AKNA: variants seen among roughly 807,000 people sequenced by gnomAD.
AKNA encodes AT-hook transcription factor, also known as microtubule organization protein AKNA.
Under a neutral mutation model 138.8 loss-of-function variants are expected in AKNA, and 67 were observed. The observed-to-expected ratio is 0.48, with a 90% CI of 0.40 to 0.59. The LOEUF is 0.59. Among genes scored for constraint, AKNA ranks in the 20% least tolerant of loss-of-function variants. AKNA has a pLI of 0.00. For synonymous variants in AKNA, 737 were observed against 754.4 expected, an observed-to-expected ratio of 0.98 and a Z score of 0.38; for missense variants, 1,813 against 1,880.4, an observed-to-expected ratio of 0.96 and a Z score of 0.66.
rs1377244467 is a variant in AKNA at position 114,346,764 on chromosome 9, G to A, written c.3419C>T (p.Pro1140Leu). Residue 1140 changes from proline to leucine, a missense_variant, in exon 17 of 22, where the codon CCT becomes CTT. Coordinates refer to ENST00000374088, the MANE Select transcript of AKNA (RefSeq NM_001317950.2). Reference sequence around the variant, plus strand: ...CTGCTCTTCACCTCTAGGCTCACCAGGCAATCTCTCTGTGGATTTACTAGC... The same window carrying A: ...CTGCTCTTCACCTCTAGGCTCACCAAGCAATCTCTCTGTGGATTTACTAGC... Reference protein sequence around the residue: ...HYGSKSTERLPGEPRGEEQIV... With the variant: ...HYGSKSTERLLGEPRGEEQIV... The A allele has an allele frequency of 2.0e-5, 32 of 1,612,342 alleles. No individual in the cohort carries two copies. The highest frequency in any genetic ancestry group is 4.0e-5 in the African/African-American group (3 of 74,828).
chr9:114,376,314 C>G (rs1219847192), intron 3 of AKNA, 152 bp downstream of exon 3: 4 of 788,432 alleles, frequency 5.1e-6, no homozygotes, highest in Non-Finnish European at 8.4e-6. Context: ...CCCCACCAGC[C>G]TCCGTCCTAG....
intron 1 of AKNA, among the ~76,000 whole-genome samples, chr9:114,387,201 A>G (rs1834098304): frequency 1.3e-5 from 2 of 152,106 alleles, no homozygotes; most frequent in South Asian, 4.1e-4. Flanking sequence ...CTGGCAGGGC[A>G]CAGACTTGCT....
In AKNA at chr9:114,377,214, G is replaced by T. The variant is rs1487576141; in HGVS notation, c.593C>A (p.Ala198Glu). ...CACTGTCCCACTGCTCCAGGACCTTGCCGGGCTGAGTTCAACGGATGGGTT... is the reference window on the plus strand; with the variant it reads ...CACTGTCCCACTGCTCCAGGACCTTTCCGGGCTGAGTTCAACGGATGGGTT... ...EVNPSVELSP[A>E]RSWSSGTVSL... is the part of the protein sequence containing the mutation. The change falls in exon 3 of 22, where the codon GCA (alanine) becomes GAA (glutamate). Residue 198 changes from alanine to glutamate, a missense_variant. Ala to Glu is a moderately radical substitution (Grantham distance 107). Transcript: ENST00000374088. 1 of 1,614,080 alleles carries T rather than the reference G, an allele frequency of 6.2e-7. No individual in the cohort carries two copies. The highest frequency in any genetic ancestry group is 8.5e-7 in the Non-Finnish European group (1 of 1,180,036).
intron 1 of AKNA, among the ~76,000 whole-genome samples, chr9:114,393,832 AAAAG>A (rs563292528): frequency 5.9e-5 from 9 of 152,240 alleles, no homozygotes; most frequent in Admixed American, 3.3e-4. Flanking sequence ...CAGGATAGGA[AAAAG>A]AAAGAGAGAG....
chr9:114,330,571 G>C, downstream of AKNA: 1 of 1,612,950 alleles, frequency 6.2e-7, no homozygotes. Flanking sequence ...GAGAGTACCA[G>C]ACCCGGTGAG....
intron 16 of AKNA, 58 bp from the exon 17 acceptor site, chr9:114,346,842 GT>G: frequency 6.9e-7 from 1 of 1,457,086 alleles, no homozygotes; most frequent in Non-Finnish European, 9.5e-7. Context: ...GCCTTTAAAG[GT>G]TATTTGTGAG....
At position 114,381,192 on chromosome 9, in the gene AKNA, GAA is replaced by G. The variant is rs1271220244; in HGVS notation, c.140_141del (p.Phe47SerfsTer47). ...SSQSWEEERL[F>X]PNATSPELLE... ...AGGAGCTCGGGGCTGGTGGCATTGG[GAA>G]AGAGTCTCTCTTCTTCCCAGCTTTG... On this transcript the variant is annotated frameshift_variant, in exon 2 of 22. Transcript: ENST00000374088. LOFTEE classifies it high-confidence loss of function. 6.2e-7 allele frequency: 1 copy of G among 1,614,088 alleles called. No homozygotes were observed. Among genetic ancestry groups the G allele is most frequent in the Admixed American group, 1.7e-5 (1 of 60,012 alleles).
In AKNA at chr9:114,337,211, A is replaced by G. The variant is rs1276613386; in HGVS notation, c.4163T>C (p.Ile1388Thr). Residue 1388 changes from isoleucine to threonine, a missense_variant, in exon 22 of 22, where the codon ATC becomes ACC. By Grantham distance (89) the Ile-to-Thr change is moderately conservative. Transcript: ENST00000374088. ...PPPARRHRHS[I>T]QLDLGDLEEL... ...CTCTAGGTCGCCCAGGTCGAGCTGG[A>G]TGGAGTGCCGGTGTCTCCGGGCTGG... 5 of 1,591,654 alleles carry G rather than the reference A, an allele frequency of 3.1e-6. No homozygotes were observed. Among genetic ancestry groups the G allele is most frequent in the African/African-American group, 1.3e-5 (1 of 74,536 alleles).
In AKNA at chr9:114,337,013, G is replaced by GGGCCCCCCCCCCC; in HGVS notation, c.*40_*41insGGGGGGGGGGGCC. The GGGCCCCCCCCCCC allele has an allele frequency of 5.9e-6, 7 of 1,185,370 alleles. No individual in the cohort carries two copies. Among genetic ancestry groups the GGGCCCCCCCCCCC allele is most frequent in the South Asian group, 2.5e-5 (1 of 40,612 alleles). 73.4% of individuals were successfully genotyped at this position (1,185,370 alleles called of 1,614,324 possible). A position where few individuals can be genotyped will look rare whatever the true frequency, so the allele number is the denominator to read the frequency against. ...CCACTCCTGGCCTGGCAGGCCACCT[G>GGGCCCCCCCCCCC]CCCACCCACCCACCCATCTGCCTCT... On this transcript the variant is annotated 3_prime_UTR_variant, in exon 22 of 22. Coordinates refer to ENST00000374088, the MANE Select transcript of AKNA (RefSeq NM_001317950.2).
At chr9:114,343,337 C>T (rs1830480651) in intron 19 of AKNA, among the ~76,000 whole-genome samples, 1 of 152,166 alleles carries the variant, frequency 6.6e-6, no homozygotes, top group African/African-American at 2.4e-5. Flanking sequence ...GGGACTAGAA[C>T]CCATTGCCTG....
intron 4 of AKNA, among the ~76,000 whole-genome samples, chr9:114,370,913 T>C (rs756704407): frequency 1.2e-4 from 19 of 152,092 alleles, no homozygotes; most frequent in Non-Finnish European, 2.1e-4. Context: ...CAGAACACAC[T>C]GAAAAGAGGT....
downstream of AKNA, chr9:114,330,918 T>C: frequency 7.5e-6 from 11 of 1,458,808 alleles, no homozygotes; most frequent in Non-Finnish European, 1.1e-5. Flanking sequence ...CAGGCCAGCA[T>C]AAGGTGGGGG....
upstream of AKNA, among the ~76,000 whole-genome samples, chr9:114,390,646 G>A (rs761640792): frequency 6.6e-6 from 1 of 152,172 alleles, no homozygotes; most frequent in Non-Finnish European, 1.5e-5. Flanking sequence ...TGCTTCAGAC[G>A]CACAGCTAGC....
intron 12 of AKNA, 49 bp downstream of exon 12, chr9:114,357,872 C>G: frequency 6.3e-7 from 1 of 1,579,874 alleles, no homozygotes; most frequent in Non-Finnish European, 8.5e-7. Context: ...TGAGAAGACC[C>G]AGGAATGACC....
At chr9:114,396,090 G>A (rs374518019), upstream of AKNA, among the ~76,000 whole-genome samples, 96 of 152,158 alleles carry the variant, frequency 6.3e-4, no homozygotes, top group Middle Eastern at 6.8e-3. Context: ...CAACAACAAT[G>A]TTTTGAGCAC....
intron 14 of AKNA, among the ~76,000 whole-genome samples, chr9:114,352,467 C>A (rs1454080250): frequency 6.6e-6 from 1 of 151,486 alleles, no homozygotes; most frequent in Non-Finnish European, 1.5e-5. Flanking sequence ...CGCAGTGGTG[C>A]ATACCTGTAG....
At chr9:114,340,793 A>G (rs1159764346) in intron 21 of AKNA, among the ~76,000 whole-genome samples, 6 of 152,098 alleles carry the variant, frequency 3.9e-5, no homozygotes, top group African/African-American at 1.4e-4. Flanking sequence ...ATCTGTGCAA[A>G]AAGTCCTACA....
At chr9:114,350,829 G>A in intron 15 of AKNA, 30 bp downstream of exon 15, 2 of 1,520,858 alleles carry the variant, frequency 1.3e-6, no homozygotes. Context: ...TGATGAGCTT[G>A]AATCCCCAGG....
In AKNA at chr9:114,360,086, CAG is replaced by C. The variant is rs1366408729; in HGVS notation, c.2125-26_2125-25del. On this transcript the variant is annotated intron_variant, in intron 9 of 21. Transcript: ENST00000374088. The stretch of plus-strand genomic sequence containing the variant: ...GGCTGGGGTCAGAAAGATGGACAGA[CAG>C]AGATTCAGCAGATAGTTAAACACCA... The C allele has an allele frequency of 3.7e-6, 6 of 1,613,782 alleles. No individual in the cohort carries two copies. The African/African-American group carries it at 6.7e-5, about 18-fold the overall frequency.
Sources: gnomAD v4.1 joint callset for allele counts (sites outside exome capture counted in the v4.1 genomes callset) on GRCh38, gnomAD v4.1.1 for gene constraint, MANE v1.5 for transcripts, NCBI Gene and HGNC (gene_info 2026-07-23, HGNC 2026-07-21) for gene names.